The following ZMAT5 variants were observed in gnomAD, a reference collection of about 807,000 sequenced individuals.
ZMAT5 encodes the protein zinc finger matrin-type 5, also known as zinc finger matrin-type protein 5.
A neutral mutation model predicts 28.0 loss-of-function variants in ZMAT5; 23 were observed. That is an observed-to-expected ratio of 0.82 (90% CI 0.59 to 1.16). ZMAT5 has a LOEUF of 1.16. Ranked by LOEUF, ZMAT5 falls within the 50% of genes most tolerant of loss-of-function variation. The probability of loss-of-function intolerance (pLI) is 0.00; values close to 1 mark genes in which losing one functional copy is unlikely to be tolerated. For synonymous variants in ZMAT5, 76 were observed against 84.1 expected (o/e 0.90, Z 0.52); for missense variants, 173 against 212.7 (o/e 0.81, Z 1.16).
chr22:29,755,125 G>A (rs1452618676), intron 1 of ZMAT5, among the ~76,000 whole-genome samples: 4 of 151,664 alleles, frequency 2.6e-5, no homozygotes, highest in African/African-American at 4.8e-5. Context: ...GTGAAACCCC[G>A]TTTCTACTAA....
intron 2 of ZMAT5, among the ~76,000 whole-genome samples, chr22:29,744,791 A>G (rs2067994847): frequency 6.6e-6 from 1 of 152,182 alleles, no homozygotes; most frequent in Non-Finnish European, 1.5e-5. Flanking sequence ...TTCTCTTTTA[A>G]TTCATTGGAA....
In ZMAT5 at chr22:29,740,630, C is replaced by A; in HGVS notation, c.271+20G>T. On this transcript the variant is annotated intron_variant, in intron 4 of 5. Coordinates refer to ENST00000344318, the MANE Select transcript of ZMAT5 (RefSeq NM_001003692.2). ...CCCAGCACCCCACTCCCGCTTAGCCCAGGGCATCCCGAGACGTACCCTCCA... is the reference window on the plus strand; with the variant it reads ...CCCAGCACCCCACTCCCGCTTAGCCAAGGGCATCCCGAGACGTACCCTCCA... The A allele has an allele frequency of 1.3e-6, 2 of 1,583,526 alleles. No individual in the cohort carries two copies. Among genetic ancestry groups the A allele is most frequent in the South Asian group, 2.3e-5 (2 of 86,566 alleles).
chr22:29,755,569 C>T (rs2068094428), intron 1 of ZMAT5, among the ~76,000 whole-genome samples: 1 of 152,002 alleles, frequency 6.6e-6, no homozygotes, highest in African/African-American at 2.4e-5. Context: ...CGCTTTCATT[C>T]CCTTATTTAA....
chr22:29,766,065 C>T (rs775254960), intron 1 of ZMAT5, among the ~76,000 whole-genome samples: 3 of 152,158 alleles, frequency 2.0e-5, no homozygotes. Context: ...CGGTGGCTCA[C>T]GCACCTTGGG....
chr22:29,734,234 C>T (rs1476815111), intron 5 of ZMAT5, among the ~76,000 whole-genome samples: 5 of 152,158 alleles, frequency 3.3e-5, no homozygotes, highest in South Asian at 4.1e-4. Flanking sequence ...GGTCAGTCTG[C>T]GGAGGGGGAT....
chr22:29,760,581 C>T (rs1161715363), intron 1 of ZMAT5, among the ~76,000 whole-genome samples: 2 of 152,066 alleles, frequency 1.3e-5, no homozygotes, highest in African/African-American at 2.4e-5. Flanking sequence ...CCCAGAAATC[C>T]TGATTTAGCA....
At chr22:29,746,188 G>C (rs2068007486) in intron 2 of ZMAT5, 1 of 151,994 alleles carries the variant, frequency 6.6e-6, no homozygotes. Flanking sequence ...TTGCTCTCTT[G>C]CCCAGGCTGG....
chr22:29,734,616 C>G (rs1319582605), intron 5 of ZMAT5, among the ~76,000 whole-genome samples: 1 of 152,174 alleles, frequency 6.6e-6, no homozygotes, highest in Non-Finnish European at 1.5e-5. Flanking sequence ...GATGTCTCAG[C>G]TAGAGCTTCC....
chr22:29,740,128 T>C (rs1329808721), intron 4 of ZMAT5, among the ~76,000 whole-genome samples: 1 of 152,206 alleles, frequency 6.6e-6, no homozygotes, highest in Non-Finnish European at 1.5e-5. Context: ...CAGTCAGAAC[T>C]TCCTTGTTCT....
At chr22:29,763,710 C>A (rs2068181581) in intron 1 of ZMAT5, among the ~76,000 whole-genome samples, 1 of 151,836 alleles carries the variant, frequency 6.6e-6, no homozygotes. Flanking sequence ...ATCAGTTGAG[C>A]TCAGTAATTT....
chr22:29,737,393 C>G (rs1057290367), intron 5 of ZMAT5, among the ~76,000 whole-genome samples: 1 of 152,188 alleles, frequency 6.6e-6, no homozygotes, highest in Non-Finnish European at 1.5e-5. Context: ...ACAGAGAAGG[C>G]AAGAAGTTTG....
intron 2 of ZMAT5, 183 bp downstream of exon 2, chr22:29,748,235 T>C: frequency 1.3e-6 from 1 of 781,978 alleles, no homozygotes; most frequent in Non-Finnish European, 2.1e-6. Flanking sequence ...TCAGTCAGCG[T>C]TGTTGGGGAA....
At chr22:29,757,242 G>GAA (rs35439925) in intron 1 of ZMAT5, among the ~76,000 whole-genome samples, 35 of 111,656 alleles carry the variant, frequency 3.1e-4, no homozygotes, top group Admixed American at 5.7e-4. Flanking sequence ...GGACTTCACA[G>GAA]AAAAAAAAAA....
At chr22:29,732,490 C>G (rs761423159) in intron 5 of ZMAT5, among the ~76,000 whole-genome samples, 2 of 152,148 alleles carry the variant, frequency 1.3e-5, no homozygotes. Context: ...GTAATCCCAG[C>G]GCTTTGGGAG....
chr22:29,739,277 G>A (rs911573027), intron 4 of ZMAT5, among the ~76,000 whole-genome samples: 4 of 152,200 alleles, frequency 2.6e-5, no homozygotes, highest in African/African-American at 4.8e-5. Context: ...GGTCAGAGTC[G>A]CCAAGTCATC....
chr22:29,740,515 G>T, intron 4 of ZMAT5, 135 bp downstream of exon 4: 1 of 881,656 alleles, frequency 1.1e-6, no homozygotes, highest in Non-Finnish European at 1.8e-6. Context: ...GGGGCTCAGG[G>T]CTCCGCATCA....
At chr22:29,765,787 G>A (rs1240641175) in intron 1 of ZMAT5, among the ~76,000 whole-genome samples, 1 of 152,154 alleles carries the variant, frequency 6.6e-6, no homozygotes, top group African/African-American at 2.4e-5. Context: ...AGAATCACTT[G>A]AACCCGGGAG....
chr22:29,737,398 A>G (rs1446109358), intron 5 of ZMAT5, among the ~76,000 whole-genome samples: 1 of 152,222 alleles, frequency 6.6e-6, no homozygotes, highest in Admixed American at 6.5e-5. Flanking sequence ...GAAGGCAAGA[A>G]GTTTGGCCTT....
At chr22:29,732,657 G>A (rs1033051067) in intron 5 of ZMAT5, among the ~76,000 whole-genome samples, 12 of 150,642 alleles carry the variant, frequency 8.0e-5, no homozygotes, top group African/African-American at 2.0e-4. Context: ...GGAGAATGAC[G>A]TGGACTAAGG....
Sources: allele counts gnomAD v4.1 joint callset (sites outside exome capture counted in the v4.1 genomes callset), GRCh38; gene constraint gnomAD v4.1.1; transcripts MANE v1.5; gene names NCBI Gene and HGNC (gene_info 2026-07-23, HGNC 2026-07-21).